CUL1: variants seen among roughly 807,000 people sequenced by gnomAD.
The protein encoded by CUL1 is cullin 1.
In CUL1, 24 loss-of-function variants were observed where a neutral mutation model predicts 118.0. The observed-to-expected ratio is 0.20, with a 90% CI of 0.15 to 0.29. The LOEUF (loss-of-function observed/expected upper bound fraction) is 0.29. Ranked by LOEUF, CUL1 falls within the 10% of genes least tolerant of loss-of-function variation. The pLI, the probability that CUL1 is intolerant of heterozygous loss-of-function variation, is 1.00. For missense variants in CUL1, 361 were observed against 933.8 expected (o/e 0.39, Z 7.99); for synonymous variants, 332 against 340.4 (o/e 0.98, Z 0.27).
intron 11 of CUL1, among the ~76,000 whole-genome samples, chr7:148,785,129 G>A (rs186996277): frequency 1.3e-5 from 2 of 152,286 alleles, no homozygotes; most frequent in African/African-American, 4.8e-5. Flanking sequence ...CCCAAGGCCA[G>A]TGAGAAACTC....
rs575332383 is a variant in CUL1 at position 148,712,860 on chromosome 7, A to G, written c.-162+13831A>G. ...CGCATTTCCATATTAGCTGTTTGCAATTTGTCACTGTGTACTGTCAATCAG... is the reference window on the plus strand; with the variant it reads ...CGCATTTCCATATTAGCTGTTTGCAGTTTGTCACTGTGTACTGTCAATCAG... On this transcript the variant is annotated intron_variant, in intron 1 of 21. Coordinates refer to ENST00000325222, the MANE Select transcript of CUL1 (RefSeq NM_003592.3). Among the ~76,000 whole-genome samples, 45 of 152,290 alleles carry G rather than the reference A, an allele frequency of 3.0e-4. 1 individual carries two copies. Among genetic ancestry groups the G allele is most frequent in the South Asian group, 1.4e-3 (7 of 4,830 alleles).
chr7:148,725,516 T>C (rs1332301710), intron 1 of CUL1, among the ~76,000 whole-genome samples: 1 of 152,176 alleles, frequency 6.6e-6, no homozygotes, highest in African/African-American at 2.4e-5. Context: ...TGATGCTGGC[T>C]CTATAGGGCC....
Position 148,760,478 on chromosome 7 carries a change from T to C in CUL1, c.771T>C (p.Val257=). 1 of 1,609,230 alleles carries C rather than the reference T, an allele frequency of 6.2e-7. No homozygotes were observed. The highest frequency in any genetic ancestry group is 8.5e-7 in the Non-Finnish European group (1 of 1,178,338). ...CTGAATTCTTGCAGCAGAACCCAGT[T>C]ACTGAATATATGAAAAAGGTAAGCT... ...ESTEFLQQNP[V]TEYMKKAEAR... The change falls in exon 7 of 22, where the codon GTT becomes GTC. Residue 257 remains valine, a synonymous_variant. Transcript: ENST00000325222.
chr7:148,783,999 C>G lies in CUL1; in HGVS notation c.1220C>G (p.Ala407Gly). The change falls in exon 11 of 22, where the codon GCG becomes GGG. Residue 407 changes from alanine to glycine, a missense_variant. Physicochemically the swap from Ala to Gly is moderately conservative, Grantham distance 60. Around this residue, in one of 7 missense-constraint regions of CUL1, gnomAD observed 169 missense variants for 429.7 expected, o/e 0.39. Coordinates refer to ENST00000325222, the MANE Select transcript of CUL1 (RefSeq NM_003592.3). ...TGTGGTCGCTTCATAAACAACAACG[C>G]GGTTACCAAGATGGCCCAATCATCC... ...KACGRFINNN[A>G]VTKMAQSSSK... is the part of the protein sequence containing the mutation. 1 of 1,614,116 alleles carries G rather than the reference C, an allele frequency of 6.2e-7. No homozygotes were observed. Among genetic ancestry groups the G allele is most frequent in the Non-Finnish European group, 8.5e-7 (1 of 1,180,032 alleles).
At chr7:148,781,009 T>TGCTTCTTG (rs1411211690) in intron 9 of CUL1, among the ~76,000 whole-genome samples, 1 of 151,952 alleles carries the variant, frequency 6.6e-6, no homozygotes, top group African/African-American at 2.4e-5. Flanking sequence ...GTGTGTTGTC[T>TGCTTCTTG]GCTTCTTGAC....
chr7:148,773,605 G>C (rs954699336), intron 9 of CUL1, among the ~76,000 whole-genome samples: 4 of 152,140 alleles, frequency 2.6e-5, no homozygotes, highest in Non-Finnish European at 5.9e-5. Flanking sequence ...AATGGTGAAG[G>C]CCGTCTGCTG....
At chr7:148,753,394 A>C (rs530611214) in intron 2 of CUL1, among the ~76,000 whole-genome samples, 1 of 152,196 alleles carries the variant, frequency 6.6e-6, no homozygotes, top group African/African-American at 2.4e-5. Flanking sequence ...CTGTTTTGCA[A>C]TCAGCTGTCT....
chr7:148,774,647 C>CA (rs1554472103), intron 9 of CUL1, among the ~76,000 whole-genome samples: 1 of 152,108 alleles, frequency 6.6e-6, no homozygotes, highest in Non-Finnish European at 1.5e-5. Flanking sequence ...GAAGTAGCAA[C>CA]AAAAAAGCAC....
chr7:148,778,414 TC>T (rs1350010701), intron 9 of CUL1, among the ~76,000 whole-genome samples: 1 of 152,088 alleles, frequency 6.6e-6, no homozygotes, highest in Non-Finnish European at 1.5e-5. Context: ...TTGAGCACCT[TC>T]CCAGATAATG....
At chr7:148,792,843 T>G (rs746846680) in intron 17 of CUL1, 25 bp downstream of exon 17, 1 of 1,541,408 alleles carries the variant, frequency 6.5e-7, no homozygotes, top group Non-Finnish European at 8.9e-7. Context: ...GGCTCGTTGT[T>G]CTATCAGCTT....
chr7:148,786,661 G>A (rs528846756), intron 12 of CUL1, 62 bp downstream of exon 12: 10 of 1,347,790 alleles, frequency 7.4e-6, no homozygotes, highest in Admixed American at 1.9e-5. Flanking sequence ...TGTTTGTAAT[G>A]TTATTTGTAG....
At chr7:148,732,890 C>A (rs1019753395) in intron 2 of CUL1, among the ~76,000 whole-genome samples, 3 of 151,922 alleles carry the variant, frequency 2.0e-5, no homozygotes, top group African/African-American at 4.8e-5. Context: ...CATATATTTA[C>A]AAAAAATTGG....
At chr7:148,714,974 C>T (rs544221672) in intron 1 of CUL1, among the ~76,000 whole-genome samples, 4 of 152,278 alleles carry the variant, frequency 2.6e-5, no homozygotes, top group Admixed American at 2.0e-4. Flanking sequence ...CAGCCTGGAA[C>T]TCATGGGCCC....
upstream of CUL1, chr7:148,698,061 G>A (rs571881625): frequency 2.0e-5 from 3 of 152,332 alleles, no homozygotes; most frequent in East Asian, 5.8e-4. Context: ...AGCCTAGTTA[G>A]GTTTTATCTT....
chr7:148,781,805 A>G (rs7458302), intron 9 of CUL1, among the ~76,000 whole-genome samples: 2 of 152,270 alleles, frequency 1.3e-5, no homozygotes, highest in South Asian at 4.1e-4. Flanking sequence ...AAGGCCTTCT[A>G]AGTGTGGATC....
At chr7:148,783,611 C>T in intron 9 of CUL1, 172 bp from the exon 10 acceptor site, 3 of 1,528,294 alleles carry the variant, frequency 2.0e-6, no homozygotes, top group Non-Finnish European at 2.6e-6. Context: ...ACAAAATGTC[C>T]TATGTGTTTC....
intron 1 of CUL1, among the ~76,000 whole-genome samples, chr7:148,727,151 A>G (rs1019058): frequency 0.31 from 47,539 of 151,936 alleles, 8,120 homozygotes; most frequent in South Asian, 0.47. Flanking sequence ...TATTCGTTAA[A>G]ACTAAGTAGT....
chr7:148,725,214 C>CAT (rs1798528771), intron 1 of CUL1, among the ~76,000 whole-genome samples: 1 of 131,596 alleles, frequency 7.6e-6, no homozygotes, highest in African/African-American at 3.5e-5. Flanking sequence ...CACACACACG[C>CAT]GCGCGCTCAC....
chr7:148,718,315 A>G (rs1018623493), intron 1 of CUL1, among the ~76,000 whole-genome samples: 28 of 152,334 alleles, frequency 1.8e-4, no homozygotes, highest in African/African-American at 6.7e-4. Flanking sequence ...CCATCACTAC[A>G]ATGCAATTTT....
Sources: gnomAD v4.1 joint callset for allele counts (sites outside exome capture counted in the v4.1 genomes callset) on GRCh38, gnomAD v4.1.1 for gene constraint, gnomAD v4.1.1 regional missense constraint, MANE v1.5 for transcripts, NCBI Gene and HGNC (gene_info 2026-07-23, HGNC 2026-07-21) for gene names.